EPS8L2: variants seen among roughly 807,000 people sequenced by gnomAD.
EPS8L2 encodes EPS8 signaling adaptor L2.
Under a neutral mutation model 99.4 loss-of-function variants are expected in EPS8L2, and 81 were observed. The observed-to-expected ratio is 0.82, with a 90% confidence interval of 0.68 to 0.98. The LOEUF (loss-of-function observed/expected upper bound fraction) is 0.98. Among genes scored for constraint, EPS8L2 ranks in the 50% least tolerant of loss-of-function variants. EPS8L2 has a pLI of 0.00. For missense variants in EPS8L2, 1,155 were observed against 968.8 expected, an observed-to-expected ratio of 1.19 and a Z score of -2.55; for synonymous variants, 509 against 407.3, an observed-to-expected ratio of 1.25 and a Z score of -3.01.
intron 1 of EPS8L2, among the ~76,000 whole-genome samples, chr11:707,818 C>T (rs1337428689): frequency 6.6e-6 from 1 of 152,176 alleles, no homozygotes; most frequent in Non-Finnish European, 1.5e-5. Context: ...AGGCCTGAGT[C>T]TGCAAGGGTG....
Position 726,649 on chromosome 11 carries a change from G to A in EPS8L2, c.1965G>A (p.Gly655=). The A allele has an allele frequency of 6.4e-7, 1 of 1,557,978 alleles. No individual in the cohort carries two copies. Among genetic ancestry groups the A allele is most frequent in the Non-Finnish European group, 8.7e-7 (1 of 1,151,510 alleles). ...TGGAGAACCTGGGCATCCTGACCGG[G>A]CCGCAGCTCTTCTCCCTCAACAAGG... is the stretch of plus-strand genomic sequence containing the variant. ...RIVENLGILT[G]PQLFSLNKEE... The change falls in exon 20 of 21, where the codon GGG becomes GGA. Residue 655 remains glycine, a synonymous_variant. Coordinates refer to ENST00000318562, the MANE Select transcript of EPS8L2 (RefSeq NM_022772.4).
intron 4 of EPS8L2, among the ~76,000 whole-genome samples, chr11:712,849 G>A (rs1292418465): frequency 1.3e-5 from 2 of 152,248 alleles, no homozygotes; most frequent in Non-Finnish European, 2.9e-5. Flanking sequence ...GGCCAGCTCA[G>A]TGTCCAGGGG....
intron 5 of EPS8L2, 34 bp from the exon 6 acceptor site, chr11:720,563 G>T: frequency 6.3e-7 from 1 of 1,581,664 alleles, no homozygotes. Flanking sequence ...CCCAGACCCC[G>T]GGTGCGAGTC....
intron 3 of EPS8L2, chr11:709,844 T>A (rs1284839685): frequency 8.4e-6 from 5 of 594,422 alleles, no homozygotes; most frequent in Non-Finnish European, 1.5e-5. Context: ...AGCATCAATA[T>A]TGATTCCGCT....
Position 725,967 on chromosome 11 carries a change from C to T in EPS8L2, c.1680+120C>T, listed in dbSNP as rs548671374. Reference sequence around the variant, plus strand: ...GAGAGACTGGGGCAGGTGCAGGGCTCCCTGGGCAGAAGGAAAGGGCTGGTC... The same window carrying T: ...GAGAGACTGGGGCAGGTGCAGGGCTTCCTGGGCAGAAGGAAAGGGCTGGTC... On this transcript the variant is annotated intron_variant, in intron 17 of 20. Transcript: ENST00000318562. The T allele has an allele frequency of 5.2e-5, 71 of 1,359,094 alleles. No homozygotes were observed. In the South Asian group the frequency reaches 1.0e-3, roughly 19 times the overall value. The allele number at this position is 1,359,094 out of a possible 1,614,324, so 84.2% of individuals were successfully genotyped here.
At position 726,093 on chromosome 11, in the gene EPS8L2, C is replaced by G; in HGVS notation, c.1681-5C>G. Reference sequence around the variant, plus strand: ...GGGGAGCCTAATCGCCCCCCGCCCCCGCAGGCCGGTCAGAAGTACTGGGGC... The same window carrying G: ...GGGGAGCCTAATCGCCCCCCGCCCCGGCAGGCCGGTCAGAAGTACTGGGGC... On this transcript the variant is annotated splice_polypyrimidine_tract_variant and splice_region_variant and intron_variant, in intron 17 of 20. Transcript: ENST00000318562. The G allele has an allele frequency of 1.3e-6, 2 of 1,576,840 alleles. No individual in the cohort carries two copies. The highest frequency in any genetic ancestry group is 8.7e-7 in the Non-Finnish European group (1 of 1,155,496).
chr11:723,269 G>T lies in EPS8L2; in HGVS notation c.1370G>T (p.Arg457Ile). The T allele has an allele frequency of 1.2e-6, 2 of 1,606,308 alleles. No individual in the cohort carries two copies. The highest frequency in any genetic ancestry group is 1.7e-6 in the Non-Finnish European group (2 of 1,177,620). The change falls in exon 15 of 21, where the codon AGA becomes ATA. Residue 457 changes from arginine (R) to isoleucine (I), a missense_variant. Arg to Ile is a moderately conservative substitution (Grantham distance 97). Transcript: ENST00000318562. The part of the protein sequence containing the change: ...EVSPVSRQSI[R>I]NSQKHSPTSE... ...AGTCCAGTGAGCCGACAGTCCATAA[G>T]AAACTCCCAGAAGCACAGCCCCACT... is the stretch of plus-strand genomic sequence containing the variant.
At chr11:725,019 C>A (rs934767179) in intron 16 of EPS8L2, among the ~76,000 whole-genome samples, 190 bp downstream of exon 16, 2 of 152,226 alleles carry the variant, frequency 1.3e-5, no homozygotes, top group Non-Finnish European at 2.9e-5. Flanking sequence ...GTTGGAGGGG[C>A]CTTCCCATCT....
In EPS8L2 at chr11:721,933, C is replaced by A. The variant is rs377767118; in HGVS notation, c.926C>A (p.Pro309His). 1.1e-5 allele frequency: 17 copies of A among 1,597,776 alleles called. No individual in the cohort carries two copies. The East Asian group carries it at 3.2e-4, about 30-fold the overall frequency. ...GTCCTCACACTGCGGGCACGGCCCC[C>A]CTCTGAGGGCGAGTTCATCGACTGC... ...EGVLTLRARP[P>H]SEGEFIDCFQ... is the part of the protein sequence containing the mutation. Residue 309 changes from proline to histidine, a missense_variant, in exon 11 of 21, where the codon CCC (proline) becomes CAC (histidine). By Grantham distance (77) the Pro-to-His change is moderately conservative. Transcript: ENST00000318562.
In EPS8L2 at chr11:710,474, G is replaced by A. The variant is rs753096193; in HGVS notation, c.153G>A (p.Gln51=). ...NSNVIMHETS[Q]YHVQHLATFI... is the part of the protein sequence containing the mutation. The stretch of plus-strand genomic sequence containing the variant: ...ACGTCATCATGCACGAGACCTCGCA[G>A]TACCACGTCCAGGTAAGGCCCCGCC... Residue 51 remains glutamine, a synonymous_variant, in exon 4 of 21, where the codon CAG becomes CAA. Transcript: ENST00000318562. 2.6e-5 allele frequency: 42 copies of A among 1,613,772 alleles called. No individual in the cohort carries two copies. Among genetic ancestry groups the A allele is most frequent in the East Asian group, 6.7e-5 (3 of 44,884 alleles).
At position 709,603 on chromosome 11, in the gene EPS8L2, T is replaced by G; in HGVS notation, c.95T>G (p.Leu32Arg). The G allele has an allele frequency of 6.2e-7, 1 of 1,613,048 alleles. No individual in the cohort carries two copies. Among genetic ancestry groups the G allele is most frequent in the Non-Finnish European group, 8.5e-7 (1 of 1,179,900 alleles). ...DGVAKMSPKDLFEQRKKYSNS... is the reference protein window; with the variant it reads ...DGVAKMSPKDRFEQRKKYSNS... ...GTGGCCAAGATGAGCCCCAAGGACC[T>G]GTTTGGTGAGTGAGGTTTGAGAACG... is the stretch of plus-strand genomic sequence containing the variant. The change falls in exon 3 of 21, where the codon CTG becomes CGG. Residue 32 changes from leucine (L) to arginine (R), a missense_variant. Transcript: ENST00000318562.
At chr11:720,341 C>A in intron 5 of EPS8L2, 118 bp downstream of exon 5, 2 of 1,208,236 alleles carry the variant, frequency 1.7e-6, no homozygotes, top group Non-Finnish European at 1.2e-6. Flanking sequence ...CCCTATCATT[C>A]TGGTCCCTGG....
At chr11:722,570 G>C (rs780453523) in intron 13 of EPS8L2, 21 bp downstream of exon 13, 2 of 1,612,180 alleles carry the variant, frequency 1.2e-6, no homozygotes, top group Non-Finnish European at 1.7e-6. Flanking sequence ...GCAGAGCAGT[G>C]CCGGGGCTTC....
chr11:725,114 T>A (rs971837064), intron 16 of EPS8L2, among the ~76,000 whole-genome samples: 1 of 152,150 alleles, frequency 6.6e-6, no homozygotes. Context: ...GGGCCTGTCA[T>A]TCACACCCAC....
chr11:712,736 C>G (rs1265553586), intron 4 of EPS8L2, among the ~76,000 whole-genome samples: 1 of 152,242 alleles, frequency 6.6e-6, no homozygotes, highest in African/African-American at 2.4e-5. Flanking sequence ...TCCAAAGAGC[C>G]ATCAGGAGTC....
Position 726,740 on chromosome 11 carries a change from G to A in EPS8L2, c.2056G>A (p.Ala686Thr), listed in dbSNP as rs1244345328. The A allele has an allele frequency of 6.3e-7, 1 of 1,593,386 alleles. No homozygotes were observed. Among genetic ancestry groups the A allele is most frequent in the Non-Finnish European group, 8.5e-7 (1 of 1,171,934 alleles). ...GTACAGCCAGCTCACCATGCAGAAG[G>A]CCTTCCTGGAGGTGAGCCCGCCTGC... ...RVYSQLTMQK[A>T]FLEKQQSGSE... Residue 686 changes from alanine (A) to threonine (T), a missense_variant, in exon 20 of 21, where the codon GCC becomes ACC. Transcript: ENST00000318562.
At chr11:710,393 G>A (rs780426922) in intron 3 of EPS8L2, 29 bp from the exon 4 acceptor site, 6 of 1,610,818 alleles carry the variant, frequency 3.7e-6, no homozygotes, top group South Asian at 2.2e-5. Flanking sequence ...CCTGCCCGTC[G>A]GGGGAGTGAC....
At chr11:713,986 C>T (rs1261312233) in intron 4 of EPS8L2, among the ~76,000 whole-genome samples, 1 of 152,244 alleles carries the variant, frequency 6.6e-6, no homozygotes, top group Non-Finnish European at 1.5e-5. Context: ...GATCCACCTG[C>T]CTCCCAAAGT....
At chr11:722,630 A>G (rs1862211180) in intron 13 of EPS8L2, 43 bp from the exon 14 acceptor site, 1 of 1,608,866 alleles carries the variant, frequency 6.2e-7, no homozygotes, top group Non-Finnish European at 8.5e-7. Context: ...CTGGTGGGCC[A>G]GTTCTGGAGA....
Sources: gnomAD v4.1 joint callset for allele counts (sites outside exome capture counted in the v4.1 genomes callset) on GRCh38, gnomAD v4.1.1 for gene constraint, MANE v1.5 for transcripts, NCBI Gene and HGNC (gene_info 2026-07-23, HGNC 2026-07-21) for gene names.